WWOX: variants seen among roughly 807,000 people sequenced by gnomAD.
WWOX encodes the protein WW domain containing oxidoreductase.
A neutral mutation model predicts 46.2 loss-of-function variants in WWOX; 69 were observed. That is an observed-to-expected ratio of 1.49 (90% confidence interval 1.23 to 1.82). WWOX has a LOEUF of 1.82. Among genes scored for constraint, WWOX ranks in the 40% most tolerant of loss-of-function variants. WWOX has a pLI of 0.00. For synonymous variants in WWOX, 359 were observed against 202.6 expected, an observed-to-expected ratio of 1.77 and a Z score of -6.56; for missense variants, 919 against 542.6, an observed-to-expected ratio of 1.69 and a Z score of -6.89.
chr16:78,693,233 C>G (rs1440951610), intron 8 of WWOX, among the ~76,000 whole-genome samples: 2 of 152,170 alleles, frequency 1.3e-5, no homozygotes, highest in East Asian at 1.9e-4. Flanking sequence ...CATTGTTTAT[C>G]TCCACCTCAT....
At chr16:79,211,032 G>GGTGTGTGT (rs1555547718) in intron 8 of WWOX, among the ~76,000 whole-genome samples, 2 of 30,458 alleles carry the variant, frequency 6.6e-5, no homozygotes, top group Admixed American at 3.6e-4. Flanking sequence ...TGTATGGTGA[G>GGTGTGTGT]GAGTGTGTGT....
intron 8 of WWOX, among the ~76,000 whole-genome samples, chr16:78,838,134 A>G (rs979582306): frequency 6.6e-6 from 1 of 151,908 alleles, no homozygotes; most frequent in Non-Finnish European, 1.5e-5. Flanking sequence ...TCCTCCTTCA[A>G]CTCTGTCAGG....
intron 8 of WWOX, chr16:79,101,238 T>C (rs2150630435): frequency 6.6e-6 from 1 of 152,350 alleles, no homozygotes; most frequent in Admixed American, 6.5e-5. Context: ...TATTCAAACA[T>C]ATTCGCAGCT....
intron 8 of WWOX, among the ~76,000 whole-genome samples, chr16:79,038,557 TA>T (rs2047911598): frequency 6.6e-6 from 1 of 152,346 alleles, no homozygotes; most frequent in South Asian, 2.1e-4. Flanking sequence ...ATTAACTTTT[TA>T]TTTTTTTTGA....
chr16:79,041,053 A>T (rs2047961904), intron 8 of WWOX, among the ~76,000 whole-genome samples: 1 of 151,960 alleles, frequency 6.6e-6, no homozygotes, highest in South Asian at 2.1e-4. Flanking sequence ...TCTCTTATCC[A>T]AGCAGAAACA....
chr16:78,481,770 C>T (rs866141349), intron 8 of WWOX, among the ~76,000 whole-genome samples: 11 of 110,450 alleles, frequency 1.0e-4, no homozygotes, highest in East Asian at 2.2e-4. Context: ...TGTGTGCGCG[C>T]GCCTGCATGT....
intron 8 of WWOX, among the ~76,000 whole-genome samples, chr16:78,974,249 A>AG (rs1310780980): frequency 1.3e-5 from 2 of 152,230 alleles, no homozygotes; most frequent in African/African-American, 4.8e-5. Flanking sequence ...GTTAGAGAAA[A>AG]ACTGTCTCTA....
At chr16:78,682,957 A>G (rs2047764795) in intron 8 of WWOX, among the ~76,000 whole-genome samples, 1 of 152,138 alleles carries the variant, frequency 6.6e-6, no homozygotes, top group African/African-American at 2.4e-5. Flanking sequence ...CCCCGCGTAA[A>G]TGAATGATTC....
intron 8 of WWOX, among the ~76,000 whole-genome samples, chr16:79,189,967 A>G (rs2051100849): frequency 6.6e-6 from 1 of 151,802 alleles, no homozygotes. Context: ...ATTTGGAAGC[A>G]TTTGATTGCT....
At chr16:78,758,605 G>C (rs140890469) in intron 8 of WWOX, among the ~76,000 whole-genome samples, 5 of 152,256 alleles carry the variant, frequency 3.3e-5, no homozygotes, top group African/African-American at 9.6e-5. Flanking sequence ...ACCGTGGATG[G>C]TTTCTTTTTA....
At chr16:78,638,406 C>T (rs1004198201) in intron 8 of WWOX, among the ~76,000 whole-genome samples, 9 of 152,110 alleles carry the variant, frequency 5.9e-5, no homozygotes, top group Admixed American at 2.0e-4. Flanking sequence ...CCTTTCCAAC[C>T]GCTACCACCT....
At chr16:78,622,865 A>T (rs917990040) in intron 8 of WWOX, among the ~76,000 whole-genome samples, 1 of 152,190 alleles carries the variant, frequency 6.6e-6, no homozygotes, top group African/African-American at 2.4e-5. Flanking sequence ...TAGTAAGGGG[A>T]AAATCCCTTA....
chr16:79,152,824 G>T (rs890041285), intron 8 of WWOX, among the ~76,000 whole-genome samples: 2 of 152,186 alleles, frequency 1.3e-5, no homozygotes, highest in Non-Finnish European at 2.9e-5. Flanking sequence ...CAGCACTGGG[G>T]TGGAGGCCGA....
intron 8 of WWOX, among the ~76,000 whole-genome samples, chr16:78,712,873 C>A (rs1378393444): frequency 6.6e-6 from 1 of 152,042 alleles, no homozygotes; most frequent in East Asian, 1.9e-4. Context: ...ACTGTGGGTT[C>A]ATTTAATTAG....
intron 8 of WWOX, among the ~76,000 whole-genome samples, chr16:78,634,961 A>C (rs1056182233): frequency 2.6e-5 from 4 of 151,884 alleles, no homozygotes; most frequent in African/African-American, 9.7e-5. Flanking sequence ...GGTCCAGAGC[A>C]GTAAAGAGCC....
intron 8 of WWOX, among the ~76,000 whole-genome samples, chr16:78,607,115 GA>G (rs2045778475): frequency 2.0e-5 from 3 of 152,014 alleles, no homozygotes; most frequent in African/African-American, 7.2e-5. Context: ...CAGATTGGAT[GA>G]AAAGTTGATT....
intron 8 of WWOX, among the ~76,000 whole-genome samples, chr16:78,810,909 A>C (rs751004633): frequency 2.6e-5 from 4 of 152,216 alleles, no homozygotes; most frequent in Non-Finnish European, 5.9e-5. Context: ...TGTGTGGACT[A>C]TGCATTCAGA....
chr16:78,715,161 A>C (rs1029458600), intron 8 of WWOX, among the ~76,000 whole-genome samples: 1 of 152,188 alleles, frequency 6.6e-6, no homozygotes. Flanking sequence ...GATTGGAAAC[A>C]CAGAGATCAG....
At chr16:78,661,180 G>A (rs1245999395) in intron 8 of WWOX, among the ~76,000 whole-genome samples, 3 of 152,140 alleles carry the variant, frequency 2.0e-5, no homozygotes. Context: ...CCTCTAGAAT[G>A]GTTAAACCAA....
Sources: allele counts gnomAD v4.1 joint callset (sites outside exome capture counted in the v4.1 genomes callset), GRCh38; gene constraint gnomAD v4.1.1; transcripts MANE v1.5; gene names NCBI Gene and HGNC (gene_info 2026-07-23, HGNC 2026-07-21).